The following HEATR1 variants were observed in gnomAD, a reference collection of about 807,000 sequenced individuals.
The protein encoded by HEATR1 is HEAT repeat containing 1, also known as HEAT repeat-containing protein 1.
Under a neutral mutation model 248.2 loss-of-function variants are expected in HEATR1, and 77 were observed. The observed-to-expected ratio is 0.31, with a 90% CI of 0.26 to 0.37. HEATR1 has a LOEUF of 0.37. HEATR1 is among the 10% of genes least tolerant of loss of function. The pLI is 1.00. For missense variants in HEATR1, 2,420 were observed against 2,504.9 expected, an observed-to-expected ratio of 0.97 and a Z score of 0.72; for synonymous variants, 897 against 923.1, an observed-to-expected ratio of 0.97 and a Z score of 0.51.
intron 8 of HEATR1, among the ~76,000 whole-genome samples, chr1:236,595,226 GAGA>G (rs1215480770): frequency 6.6e-6 from 1 of 150,870 alleles, no homozygotes. Flanking sequence ...ATACCTAAAT[GAGA>G]AGGCAAAGGT....
chr1:236,554,612 G>A lies in HEATR1; in HGVS notation c.6064C>T (p.Pro2022Ser). Residue 2022 changes from proline (P) to serine (S), a missense_variant, in exon 42 of 45, where the codon CCT becomes TCT. By Grantham distance (74) the Pro-to-Ser change is moderately conservative. Transcript: ENST00000366582. ...TGTTTGGTTACCTGATCCACCAGAGGCATCATCAAGGCTTCTGCTCTCTCT... is the reference window on the plus strand; with the variant it reads ...TGTTTGGTTACCTGATCCACCAGAGACATCATCAAGGCTTCTGCTCTCTCT... Reference protein sequence around the residue: ...SKERAEALMMPLVDQLENRLG... With the variant: ...SKERAEALMMSLVDQLENRLG... 1 of 1,610,968 alleles carries A rather than the reference G, an allele frequency of 6.2e-7. No individual in the cohort carries two copies. The highest frequency in any genetic ancestry group is 8.5e-7 in the Non-Finnish European group (1 of 1,179,198).
chr1:236,581,794 TGGTG>T (rs1166507999), intron 19 of HEATR1, among the ~76,000 whole-genome samples: 5 of 152,226 alleles, frequency 3.3e-5, no homozygotes, highest in African/African-American at 7.2e-5. Context: ...TGGAGGTCAC[TGGTG>T]CTGGGGATGA....
rs755329594 is a variant in HEATR1 at position 236,595,680 on chromosome 1, A to G, written c.957-7T>C. The G allele has an allele frequency of 6.2e-7, 1 of 1,609,414 alleles. No homozygotes were observed. Among genetic ancestry groups the G allele is most frequent in the Non-Finnish European group, 8.5e-7 (1 of 1,177,228 alleles). ...ACATAAGTGAGGGAATGGCCTTTGA[A>G]GAAGCAAAAGTACATATCGTGTTGA... On this transcript the variant is annotated splice_region_variant and splice_polypyrimidine_tract_variant and intron_variant, in intron 7 of 44. Coordinates refer to ENST00000366582, the MANE Select transcript of HEATR1 (RefSeq NM_018072.6).
At chr1:236,568,567 T>C (rs528221076) in intron 29 of HEATR1, among the ~76,000 whole-genome samples, 1 of 152,228 alleles carries the variant, frequency 6.6e-6, no homozygotes, top group South Asian at 2.1e-4. Context: ...GAATGCTTGG[T>C]AAACATTTGC....
rs757935026 is a variant in HEATR1, at chr1:236,587,437, G to C, written c.1680C>G (p.Leu560=). 4 of 1,538,300 alleles carry C rather than the reference G, an allele frequency of 2.6e-6. No individual in the cohort carries two copies. The highest frequency in any genetic ancestry group is 3.5e-6 in the Non-Finnish European group (4 of 1,136,254). The change falls in exon 14 of 45, where the codon CTC becomes CTG. Residue 560 remains leucine, a synonymous_variant. Transcript: ENST00000366582. ...TCTTTGAAAGTTCTGCTCTTTGAAA[G>C]AGATTCAGAAGATTTGAAATCGTCA... ...SEVTISNLLN[L]FQRAELSKNG... is the part of the protein sequence containing the mutation.
chr1:236,582,341 C>T (rs1017452406), intron 19 of HEATR1, among the ~76,000 whole-genome samples: 23 of 151,956 alleles, frequency 1.5e-4, no homozygotes, highest in African/African-American at 5.1e-4. Context: ...CTCCTGACCT[C>T]GTGATCCACC....
At chr1:236,570,284 G>A (rs7554457) in intron 28 of HEATR1, among the ~76,000 whole-genome samples, 10,169 of 152,064 alleles carry the variant, frequency 0.067, 539 homozygotes, top group African/African-American at 0.14. Flanking sequence ...GCGAGACTCC[G>A]TCTCAAAACA....
intron 31 of HEATR1, 62 bp from the exon 32 acceptor site, chr1:236,564,723 A>G (rs1663223832): frequency 2.1e-6 from 3 of 1,458,714 alleles, no homozygotes; most frequent in Non-Finnish European, 2.8e-6. Flanking sequence ...ATACAGAATT[A>G]ACAGATATAA....
chr1:236,579,279 C>CT (rs1663646438), intron 20 of HEATR1, among the ~76,000 whole-genome samples: 2 of 152,314 alleles, frequency 1.3e-5, no homozygotes, highest in African/African-American at 4.8e-5. Context: ...TGCAATGTAT[C>CT]TTTTTCACAA....
rs113691081 is a variant in HEATR1, at chr1:236,592,647, A to G, written c.1194-14T>C. On this transcript the variant is annotated splice_polypyrimidine_tract_variant and intron_variant, in intron 9 of 44. Transcript: ENST00000366582. ...TCAAATAGAAGGCTGTAAAAAAAAA[A>G]ACAGAAATATCAGCATACATAAGAG... 1.5e-5 allele frequency: 16 copies of G among 1,081,330 alleles called. No homozygotes were observed. The highest frequency in any genetic ancestry group is 3.1e-5 in the African/African-American group (2 of 63,610). 67.0% of individuals were successfully genotyped at this position (1,081,330 alleles called of 1,614,324 possible).
chr1:236,603,882 GAA>G, intron 2 of HEATR1, 70 bp downstream of exon 2: 19 of 883,490 alleles, frequency 2.2e-5, no homozygotes, highest in African/African-American at 3.8e-5. Context: ...AAAACAAGGG[GAA>G]AAAAAAAAAA....
intron 8 of HEATR1, among the ~76,000 whole-genome samples, chr1:236,594,912 C>T (rs949907270): frequency 1.3e-5 from 2 of 152,124 alleles, no homozygotes; most frequent in African/African-American, 4.8e-5. Flanking sequence ...GATCCTCCCA[C>T]CTCAGTCTCC....
At position 236,590,941 on chromosome 1, in the gene HEATR1, G is replaced by A; in HGVS notation, c.1436C>T (p.Ser479Phe). The change falls in exon 12 of 45, where the codon TCT becomes TTT. Residue 479 changes from serine (S) to phenylalanine (F), a missense_variant. By Grantham distance (155) the Ser-to-Phe change is radical. Transcript: ENST00000366582. ...SGGKYQFLAD[S>F]DTSLMLSLNH... The stretch of plus-strand genomic sequence containing the variant: ...CAGGCTGAGCATCAAAGAAGTATCA[G>A]AATCTGCTAAAAACTACAGGGTTCA... 6.8e-7 allele frequency: 1 copy of A among 1,477,004 alleles called. No individual in the cohort carries two copies. Among genetic ancestry groups the A allele is most frequent in the Non-Finnish European group, 9.1e-7 (1 of 1,099,016 alleles). The allele number at this position is 1,477,004 out of a possible 1,614,324, so 91.5% of individuals were successfully genotyped here.
At chr1:236,592,995 G>A (rs1558191235) in intron 9 of HEATR1, among the ~76,000 whole-genome samples, 2 of 152,180 alleles carry the variant, frequency 1.3e-5, no homozygotes, top group Non-Finnish European at 2.9e-5. Flanking sequence ...AGGAGTTCGA[G>A]ATCAGCCTGA....
chr1:236,598,640 G>A (rs1664237042), intron 4 of HEATR1, among the ~76,000 whole-genome samples: 1 of 152,152 alleles, frequency 6.6e-6, no homozygotes, highest in Non-Finnish European at 1.5e-5. Flanking sequence ...TTTAGTTCAA[G>A]TGCTTTACGT....
intron 15 of HEATR1, 101 bp downstream of exon 15, chr1:236,586,139 CT>C: frequency 8.8e-7 from 1 of 1,136,612 alleles, no homozygotes; most frequent in Non-Finnish European, 1.2e-6. Context: ...TTTAAAAGAC[CT>C]TACTGGCATA....
chr1:236,568,894 A>AAG (rs1239528381), intron 29 of HEATR1, 102 bp downstream of exon 29: 2 of 611,730 alleles, frequency 3.3e-6, no homozygotes, highest in African/African-American at 7.8e-5. Flanking sequence ...TTAAAAAAAA[A>AAG]AAACAAAAAA....
At position 236,558,292 on chromosome 1, in the gene HEATR1, A is replaced by C. The variant is rs780863741; in HGVS notation, c.5149T>G (p.Cys1717Gly). Residue 1717 changes from cysteine (C) to glycine (G), a missense_variant, in exon 36 of 45, where the codon TGC becomes GGC. Coordinates refer to ENST00000366582, the MANE Select transcript of HEATR1 (RefSeq NM_018072.6). ...AGGGTGGAGGTCACCTCTGCTATGC[A>C]CAGCAGCGCGCTTCCCAGGACATTC... ...EKNVLGSALL[C>G]IAEVTSTLEA... 6.2e-7 allele frequency: 1 copy of C among 1,614,192 alleles called. No individual in the cohort carries two copies. The highest frequency in any genetic ancestry group is 8.5e-7 in the Non-Finnish European group (1 of 1,180,030).
At chr1:236,592,176 C>G (rs113681513) in intron 10 of HEATR1, 66 bp from the exon 11 acceptor site, 2 of 801,988 alleles carry the variant, frequency 2.5e-6, no homozygotes, top group Non-Finnish European at 4.0e-6. Flanking sequence ...ACACCATACA[C>G]ATATAAAGGA....
Sources: allele counts gnomAD v4.1 joint callset (sites outside exome capture counted in the v4.1 genomes callset), GRCh38; gene constraint gnomAD v4.1.1; transcripts MANE v1.5; gene names NCBI Gene and HGNC (gene_info 2026-07-23, HGNC 2026-07-21).